The following BCKDHB variants were observed in gnomAD, a reference collection of about 807,000 sequenced individuals.
The protein encoded by BCKDHB is 2-oxoisovalerate dehydrogenase subunit beta, mitochondrial.
BCKDHB carries 41 observed loss-of-function variants against 48.5 expected under a neutral mutation model. The ratio of observed to expected loss-of-function variants is 0.85; its 90% CI spans 0.66 to 1.10. The LOEUF is 1.10. Among genes scored for constraint, BCKDHB ranks in the 50% least tolerant of loss-of-function variants. The pLI is 0.00. For missense variants in BCKDHB, 496 were observed against 494.2 expected, an observed-to-expected ratio of 1.00 and a Z score of -0.03; for synonymous variants, 201 against 174.8, an observed-to-expected ratio of 1.15 and a Z score of -1.18.
rs533872491 is a variant in BCKDHB, at chr6:80,264,087, G to A, written c.952-9048G>A. On this transcript the variant is annotated intron_variant, in intron 8 of 9. Coordinates refer to ENST00000320393, the MANE Select transcript of BCKDHB (RefSeq NM_183050.4). ...AACTTGTTTCTAACAAAAATAAATT[G>A]ATTTTTAATACCAGTATCATGCCTT... 3.3e-5 allele frequency among the ~76,000 whole-genome samples: 5 copies of A among 152,178 alleles called. No individual in the cohort carries two copies. The East Asian group carries it at 9.7e-4, about 29-fold the overall frequency.
intron 8 of BCKDHB, among the ~76,000 whole-genome samples, chr6:80,256,444 A>T (rs1777054936): frequency 6.6e-6 from 1 of 152,180 alleles, no homozygotes; most frequent in Admixed American, 6.5e-5. Context: ...AAACATATCT[A>T]AACATAGAAA....
intron 8 of BCKDHB, among the ~76,000 whole-genome samples, chr6:80,261,388 G>A (rs1246975870): frequency 6.6e-6 from 1 of 152,006 alleles, no homozygotes. Context: ...CTGCCAGTCT[G>A]TGGCCAGGGG....
At chr6:80,210,777 T>C (rs935324509) in intron 8 of BCKDHB, among the ~76,000 whole-genome samples, 1 of 152,126 alleles carries the variant, frequency 6.6e-6, no homozygotes, top group Non-Finnish European at 1.5e-5. Flanking sequence ...TCAGCTGTCA[T>C]GCTGATGTGA....
chr6:80,162,718 G>C (rs1157123881), intron 3 of BCKDHB, among the ~76,000 whole-genome samples: 1 of 152,062 alleles, frequency 6.6e-6, no homozygotes, highest in Non-Finnish European at 1.5e-5. Flanking sequence ...GGGCGTGGTC[G>C]TGGGCGCCTG....
intron 8 of BCKDHB, among the ~76,000 whole-genome samples, chr6:80,242,987 G>C (rs1776451025): frequency 6.6e-6 from 1 of 152,138 alleles, no homozygotes; most frequent in Admixed American, 6.6e-5. Flanking sequence ...TCTCGATCGG[G>C]CAAAGGATTC....
At chr6:80,232,745 A>C (rs1378961424) in intron 8 of BCKDHB, among the ~76,000 whole-genome samples, 2 of 130,490 alleles carry the variant, frequency 1.5e-5, no homozygotes, top group East Asian at 4.6e-4. Flanking sequence ...CTATATAGAG[A>C]TATGATATAT....
chr6:80,283,602 A>G (rs1272719408), intron 9 of BCKDHB, among the ~76,000 whole-genome samples: 2 of 152,090 alleles, frequency 1.3e-5, no homozygotes, highest in Non-Finnish European at 2.9e-5. Flanking sequence ...GGAAAGCATT[A>G]CTTTATTTAA....
chr6:80,192,860 C>T (rs1174098429), intron 6 of BCKDHB, among the ~76,000 whole-genome samples: 2 of 150,808 alleles, frequency 1.3e-5, no homozygotes, highest in Non-Finnish European at 2.9e-5. Flanking sequence ...GCTCTGTTGC[C>T]CAGGCTGGAG....
chr6:80,410,428 G>A, the BCKDHB span, among the ~76,000 whole-genome samples: 7 of 152,094 alleles, frequency 4.6e-5, no homozygotes, highest in South Asian at 2.1e-4. Flanking sequence ...ATGTGTGTTC[G>A]AGTTGCTCTT....
At chr6:80,328,077 G>T (rs1769132147) in intron 9 of BCKDHB, among the ~76,000 whole-genome samples, 1 of 151,954 alleles carries the variant, frequency 6.6e-6, no homozygotes, top group Non-Finnish European at 1.5e-5. Flanking sequence ...TTTTTGTTCA[G>T]ACTATGTTTC....
the BCKDHB span, among the ~76,000 whole-genome samples, chr6:80,426,891 G>A: frequency 0.017 from 2,536 of 152,070 alleles, 82 homozygotes; most frequent in African/African-American, 0.056. Context: ...CTGTATGATC[G>A]TTCTACCATC....
intron 8 of BCKDHB, among the ~76,000 whole-genome samples, chr6:80,208,205 A>G (rs187231126): frequency 6.5e-4 from 98 of 151,918 alleles, no homozygotes; most frequent in African/African-American, 2.3e-3. Context: ...TCGACTTCCT[A>G]CAAATTAAGT....
the BCKDHB span, among the ~76,000 whole-genome samples, chr6:80,417,049 A>C: frequency 6.6e-6 from 1 of 152,170 alleles, no homozygotes; most frequent in Admixed American, 6.5e-5. Context: ...TGTTGGGTGC[A>C]TATATATTTA....
chr6:80,248,025 T>C (rs1186655467), intron 8 of BCKDHB, among the ~76,000 whole-genome samples: 1 of 152,236 alleles, frequency 6.6e-6, no homozygotes, highest in Non-Finnish European at 1.5e-5. Context: ...AAATAATACA[T>C]GTGATTGTTT....
intron 9 of BCKDHB, among the ~76,000 whole-genome samples, chr6:80,302,402 A>AT (rs1254938402): frequency 2.6e-5 from 4 of 152,178 alleles, no homozygotes; most frequent in Admixed American, 6.5e-5. Flanking sequence ...CAACTTTTAG[A>AT]TTTTTTCTTA....
the BCKDHB span, among the ~76,000 whole-genome samples, chr6:80,421,971 A>G: frequency 2.0e-5 from 3 of 152,208 alleles, no homozygotes; most frequent in African/African-American, 7.2e-5. Context: ...AAATTTGCCT[A>G]AGTAATAAGG....
chr6:80,380,773 G>A, the BCKDHB span, among the ~76,000 whole-genome samples: 2 of 151,782 alleles, frequency 1.3e-5, no homozygotes, highest in African/African-American at 4.8e-5. Flanking sequence ...CTGGGCAAAG[G>A]AGATGAACAG....
rs142464052 is a variant in BCKDHB at position 80,118,876 on chromosome 6, T to C, written c.197-8671T>C. Among the ~76,000 whole-genome samples, 172 of 152,332 alleles carry C rather than the reference T, an allele frequency of 1.1e-3. 2 individuals are homozygous for C. The highest frequency in any genetic ancestry group is 1.0e-4 in the Non-Finnish European group (7 of 68,030). On this transcript the variant is annotated intron_variant, in intron 1 of 9. Coordinates refer to ENST00000320393, the MANE Select transcript of BCKDHB (RefSeq NM_183050.4). ...TACGTAAAGAGCAACTCCTCATCCA[T>C]TGAAGTTTTATCATGAGATTGTAGC...
Position 80,129,037 on chromosome 6 carries a change from C to G in BCKDHB, c.275-124C>G, listed in dbSNP as rs140160563. Reference sequence around the variant, plus strand: ...AATGTAGAAGTTGAGAAACCTTGATCGAGATCTATGGTCCATTTATCTTTT... The same window carrying G: ...AATGTAGAAGTTGAGAAACCTTGATGGAGATCTATGGTCCATTTATCTTTT... On this transcript the variant is annotated intron_variant, in intron 2 of 9. Coordinates refer to ENST00000320393, the MANE Select transcript of BCKDHB (RefSeq NM_183050.4). The G allele has an allele frequency of 4.3e-4, 322 of 752,842 alleles. 1 individual carries two copies. In the East Asian group the frequency reaches 8.6e-3, roughly 20 times the overall value. 46.6% of individuals were successfully genotyped at this position (752,842 alleles called of 1,614,324 possible).
Sources: allele counts gnomAD v4.1 joint callset (sites outside exome capture counted in the v4.1 genomes callset), GRCh38; gene constraint gnomAD v4.1.1; transcripts MANE v1.5; gene names NCBI Gene and HGNC (gene_info 2026-07-23, HGNC 2026-07-21).